The following EPB41L3 variants were observed in gnomAD, a reference collection of about 807,000 sequenced individuals.
The protein encoded by EPB41L3 is erythrocyte membrane protein band 4.1 like 3.
Under a neutral mutation model 127.1 loss-of-function variants are expected in EPB41L3, and 57 were observed. That is an observed-to-expected ratio of 0.45 (90% CI 0.36 to 0.56). The LOEUF (loss-of-function observed/expected upper bound fraction) is 0.56. Among genes scored for constraint, EPB41L3 ranks in the 20% least tolerant of loss-of-function variants. The pLI, the probability that EPB41L3 is intolerant of heterozygous loss-of-function variation, is 0.00. For synonymous variants in EPB41L3, 572 were observed against 549.5 expected, an observed-to-expected ratio of 1.04 and a Z score of -0.57; for missense variants, 1,273 against 1,372.2, an observed-to-expected ratio of 0.93 and a Z score of 1.14.
chr18:5,537,205 CT>C (rs1225189652), intron 1 of EPB41L3, among the ~76,000 whole-genome samples: 1 of 152,078 alleles, frequency 6.6e-6, no homozygotes, highest in Non-Finnish European at 1.5e-5. Flanking sequence ...ATGACATTGC[CT>C]TTTTTGGTTT....
chr18:5,470,774 G>C (rs951410895), intron 3 of EPB41L3, among the ~76,000 whole-genome samples: 1 of 152,206 alleles, frequency 6.6e-6, no homozygotes, highest in South Asian at 2.1e-4. Flanking sequence ...GAAATTATAA[G>C]TATAGATCTA....
intron 11 of EPB41L3, 192 bp from the exon 12 acceptor site, chr18:5,420,069 T>A (rs973750679): frequency 1.7e-6 from 2 of 1,201,934 alleles, no homozygotes; most frequent in Non-Finnish European, 2.3e-6. Context: ...AACAAATCAG[T>A]GCTGCAGGGA....
chr18:5,428,200 AT>A (rs2078487652), intron 9 of EPB41L3, 112 bp downstream of exon 9: 23 of 1,215,826 alleles, frequency 1.9e-5, no homozygotes, highest in Non-Finnish European at 2.7e-5. Context: ...AGGCACTTAG[AT>A]GTCATTCACT....
chr18:5,474,428 G>T (rs959569090), intron 3 of EPB41L3, among the ~76,000 whole-genome samples: 11 of 151,968 alleles, frequency 7.2e-5, no homozygotes, highest in African/African-American at 2.7e-4. Context: ...TTGCTTTCTG[G>T]GTCGATGGGT....
chr18:5,600,971 C>A (rs79030656), intron 3 of EPB41L3, among the ~76,000 whole-genome samples: 3,755 of 152,246 alleles, frequency 0.025, 123 homozygotes, highest in African/African-American at 0.08. Flanking sequence ...TAGTACTCAG[C>A]TAATTCATGG....
intron 1 of EPB41L3, among the ~76,000 whole-genome samples, chr18:5,622,576 C>T (rs1295125787): frequency 2.6e-5 from 4 of 152,124 alleles, no homozygotes. Flanking sequence ...GGTTTGCAGG[C>T]TACATGTTTT....
chr18:5,527,025 AAC>A (rs975653701), intron 1 of EPB41L3, among the ~76,000 whole-genome samples: 5 of 151,724 alleles, frequency 3.3e-5, no homozygotes, highest in African/African-American at 4.9e-5. Flanking sequence ...AAAAAAAAAA[AAC>A]TGTTTACCTT....
chr18:5,456,635 G>A (rs2083117634), intron 3 of EPB41L3, among the ~76,000 whole-genome samples: 1 of 152,128 alleles, frequency 6.6e-6, no homozygotes, highest in African/African-American at 2.4e-5. Flanking sequence ...ATACTTTTTG[G>A]TTTTTGTTTC....
chr18:5,562,498 C>A (rs1396964109), intron 3 of EPB41L3, among the ~76,000 whole-genome samples: 1 of 152,074 alleles, frequency 6.6e-6, no homozygotes, highest in Admixed American at 6.5e-5. Context: ...TGACCTAGAA[C>A]AAGTTAAAGT....
chr18:5,469,462 T>C (rs1221282675), intron 3 of EPB41L3, among the ~76,000 whole-genome samples: 2 of 75,004 alleles, frequency 2.7e-5, no homozygotes, highest in African/African-American at 3.6e-5. Context: ...TGGCTGTGTG[T>C]ATGCCTGGCT....
chr18:5,583,002 A>G (rs1235336817), intron 3 of EPB41L3, among the ~76,000 whole-genome samples: 1 of 152,196 alleles, frequency 6.6e-6, no homozygotes, highest in African/African-American at 2.4e-5. Flanking sequence ...CGGATGAATC[A>G]GCCCTCATCA....
At chr18:5,395,214 G>T in intron 20 of EPB41L3, 67 bp from the exon 21 acceptor site, 2 of 1,318,820 alleles carry the variant, frequency 1.5e-6, no homozygotes, top group Non-Finnish European at 2.2e-6. Context: ...TTCAGTAGGG[G>T]GAAATGGCCG....
chr18:5,470,801 G>A (rs777756167), intron 3 of EPB41L3, among the ~76,000 whole-genome samples: 11 of 152,266 alleles, frequency 7.2e-5, no homozygotes, highest in Non-Finnish European at 1.5e-4. Context: ...GAAAGAAGTC[G>A]GGTAAAGCGC....
At position 5,397,516 on chromosome 18, in the gene EPB41L3, A is replaced by C. The variant is rs1567972571; in HGVS notation, c.2473-90T>G. The stretch of plus-strand genomic sequence containing the variant: ...AAGCTGCCACTCGCCAGGATGTCTA[A>C]AGCCAGCAGCAAGTGCTTATAACCA... On this transcript the variant is annotated intron_variant, in intron 17 of 22. Transcript: ENST00000341928. The surrounding 1 kb of genome is among the most constrained non-coding windows in gnomAD (Gnocchi z 4.1). 8 of 1,452,880 alleles carry C rather than the reference A, an allele frequency of 5.5e-6. No homozygotes were observed. The East Asian group carries it at 1.6e-4, about 29-fold the overall frequency. The allele number at this position is 1,452,880 out of a possible 1,614,324, so 90.0% of individuals were successfully genotyped here.
intron 3 of EPB41L3, among the ~76,000 whole-genome samples, chr18:5,453,475 T>C (rs925424000): frequency 1.3e-5 from 2 of 152,118 alleles, no homozygotes; most frequent in African/African-American, 2.4e-5. Context: ...GACAATAACG[T>C]TGAAAAATGA....
chr18:5,545,602 G>A (rs1055884776), upstream of EPB41L3, among the ~76,000 whole-genome samples: 32 of 152,214 alleles, frequency 2.1e-4, no homozygotes, highest in Admixed American at 6.5e-5. Flanking sequence ...GAGCAAGAAA[G>A]TGTGACTTAA....
intron 1 of EPB41L3, among the ~76,000 whole-genome samples, chr18:5,523,252 T>C (rs776873008): frequency 6.6e-6 from 1 of 152,212 alleles, no homozygotes; most frequent in Non-Finnish European, 1.5e-5. Flanking sequence ...TCATCCATAA[T>C]GGTTTCTGAA....
At chr18:5,447,492 A>G (rs1273275795) in intron 3 of EPB41L3, among the ~76,000 whole-genome samples, 2 of 143,694 alleles carry the variant, frequency 1.4e-5, no homozygotes, top group African/African-American at 5.1e-5. Context: ...CACACAACGT[A>G]GAAAAATACA....
At chr18:5,542,853 C>T (rs780012488) in intron 1 of EPB41L3, among the ~76,000 whole-genome samples, 8 of 152,126 alleles carry the variant, frequency 5.3e-5, no homozygotes, top group Non-Finnish European at 1.2e-4. Context: ...ACTTGGCGGG[C>T]GTGGGGGGGA....
Sources: allele counts gnomAD v4.1 joint callset (sites outside exome capture counted in the v4.1 genomes callset), GRCh38; gene constraint gnomAD v4.1.1; non-coding constraint Gnocchi (gnomAD v3.1); transcripts MANE v1.5; gene names NCBI Gene and HGNC (gene_info 2026-07-23, HGNC 2026-07-21).